The following SEMA3A variants were observed in gnomAD, a reference collection of about 807,000 sequenced individuals.
SEMA3A encodes the protein semaphorin 3A.
In SEMA3A, 29 loss-of-function variants were observed where a neutral mutation model predicts 97.9. The observed-to-expected ratio is 0.30, with a 90% CI of 0.22 to 0.40. The LOEUF is 0.40. SEMA3A is among the 10% of genes least tolerant of loss of function. The pLI is 1.00. For missense variants in SEMA3A, 763 were observed against 951.3 expected, an observed-to-expected ratio of 0.80 and a Z score of 2.60; for synonymous variants, 321 against 323.7, an observed-to-expected ratio of 0.99 and a Z score of 0.09.
chr7:84,386,757 T>C (rs1317089300), intron 1 of SEMA3A, among the ~76,000 whole-genome samples: 1 of 152,168 alleles, frequency 6.6e-6, no homozygotes, highest in African/African-American at 2.4e-5. Context: ...CCCAGCACTT[T>C]GGGAGGCTGA....
At chr7:84,005,747 A>G (rs1445226823) in intron 10 of SEMA3A, among the ~76,000 whole-genome samples, 189 bp from the exon 11 acceptor site, 1 of 152,088 alleles carries the variant, frequency 6.6e-6, no homozygotes, top group Non-Finnish European at 1.5e-5. Flanking sequence ...CAGGAGTTGC[A>G]GACCAGCCTG....
At chr7:84,211,583 T>C (rs1562854588) in intron 3 of SEMA3A, among the ~76,000 whole-genome samples, 1 of 151,820 alleles carries the variant, frequency 6.6e-6, no homozygotes, top group Non-Finnish European at 1.5e-5. Flanking sequence ...GACTGCACCA[T>C]TGCACTGCAA....
intron 14 of SEMA3A, among the ~76,000 whole-genome samples, chr7:83,978,087 C>T (rs370060684): frequency 1.3e-5 from 2 of 152,130 alleles, no homozygotes; most frequent in African/African-American, 4.8e-5. Context: ...ACAGCGTGAG[C>T]CACTGCGCCT....
chr7:84,354,448 C>A (rs944227187), intron 2 of SEMA3A, among the ~76,000 whole-genome samples: 1 of 151,402 alleles, frequency 6.6e-6, no homozygotes, highest in Admixed American at 6.6e-5. Flanking sequence ...TTTTACTTCC[C>A]CTTCCATTTC....
At chr7:84,203,302 C>G (rs925268842) in intron 3 of SEMA3A, among the ~76,000 whole-genome samples, 6 of 151,238 alleles carry the variant, frequency 4.0e-5, no homozygotes, top group African/African-American at 1.5e-4. Flanking sequence ...TCAGTGGACT[C>G]TAAATTCAAA....
chr7:84,121,891 G>A (rs1338746107), intron 3 of SEMA3A, among the ~76,000 whole-genome samples: 1 of 48,264 alleles, frequency 2.1e-5, no homozygotes, highest in Non-Finnish European at 4.1e-5. Flanking sequence ...CGCCCGCCTC[G>A]GCCTCCCAAA....
rs1228917792 is a variant in SEMA3A at position 83,958,490 on chromosome 7, T to C, written c.*2881A>G. 1.3e-5 allele frequency: 2 copies of C among 152,478 alleles called. No homozygotes were observed. Among genetic ancestry groups the C allele is most frequent in the African/African-American group, 2.4e-5 (1 of 41,432 alleles). 9.4% of individuals were successfully genotyped at this position (152,478 alleles called of 1,614,324 possible). Reference sequence around the variant, plus strand: ...AAAGATATGGAACATATTTCCTACCTGGCAAAAAACATGCTTATTGAACGG... The same window carrying C: ...AAAGATATGGAACATATTTCCTACCCGGCAAAAAACATGCTTATTGAACGG... On this transcript the variant is annotated 3_prime_UTR_variant, in exon 17 of 17. Coordinates refer to ENST00000265362, the MANE Select transcript of SEMA3A (RefSeq NM_006080.3).
intron 3 of SEMA3A, among the ~76,000 whole-genome samples, chr7:84,123,053 G>A (rs1021659531): frequency 6.6e-6 from 1 of 152,078 alleles, no homozygotes; most frequent in African/African-American, 2.4e-5. Context: ...CAGTCATACG[G>A]TTGCCATTTG....
Position 84,401,715 on chromosome 7 carries a change from G to A in SEMA3A, c.-245-29815C>T, listed in dbSNP as rs962203549. Among the ~76,000 whole-genome samples the A allele has an allele frequency of 1.6e-4, 25 of 152,092 alleles. 1 individual carries two copies. Among genetic ancestry groups the A allele is most frequent in the Admixed American group, 1.2e-3 (18 of 15,258 alleles). On this transcript the variant is annotated intron_variant, in intron 1 of 3. Coordinates refer to the SEMA3A transcript ENST00000424555. Reference sequence around the variant, plus strand: ...CAAGAAATAACTACACACATTTAAAGCCAAATGATTTTTCAGAAATGCACC... The same window carrying A: ...CAAGAAATAACTACACACATTTAAAACCAAATGATTTTTCAGAAATGCACC...
intron 1 of SEMA3A, among the ~76,000 whole-genome samples, chr7:84,385,945 A>G (rs1803384835): frequency 6.6e-6 from 1 of 152,332 alleles, no homozygotes; most frequent in Non-Finnish European, 1.5e-5. Context: ...TGCCAAATAC[A>G]GTTAATAGCA....
At chr7:84,048,588 G>A (rs1159441313) in intron 5 of SEMA3A, among the ~76,000 whole-genome samples, 3 of 151,860 alleles carry the variant, frequency 2.0e-5, no homozygotes, top group Non-Finnish European at 4.4e-5. Context: ...ACACCTGTGA[G>A]AAGATACCTT....
At chr7:84,196,688 T>C (rs1370721651), upstream of SEMA3A, among the ~76,000 whole-genome samples, 1 of 152,160 alleles carries the variant, frequency 6.6e-6, no homozygotes, top group Non-Finnish European at 1.5e-5. Context: ...AAGAGGCTTG[T>C]CTGTCTTCCA....
At chr7:84,367,292 C>T (rs969691652) in intron 2 of SEMA3A, among the ~76,000 whole-genome samples, 2 of 151,290 alleles carry the variant, frequency 1.3e-5, no homozygotes, top group African/African-American at 2.4e-5. Flanking sequence ...CAAACAAATG[C>T]TACTTGATTT....
intron 1 of SEMA3A, among the ~76,000 whole-genome samples, chr7:84,404,198 A>G (rs1211770259): frequency 6.6e-6 from 1 of 152,202 alleles, no homozygotes; most frequent in East Asian, 1.9e-4. Flanking sequence ...GAAGTCCTTC[A>G]AGGACCTGAT....
At chr7:84,157,155 G>C (rs919924387) in intron 1 of SEMA3A, among the ~76,000 whole-genome samples, 1 of 152,140 alleles carries the variant, frequency 6.6e-6, no homozygotes, top group African/African-American at 2.4e-5. Flanking sequence ...AAGAAATACT[G>C]ATTATTAACA....
intron 1 of SEMA3A, among the ~76,000 whole-genome samples, chr7:84,156,174 G>A (rs368378676): frequency 1.4e-4 from 21 of 151,744 alleles, no homozygotes; most frequent in African/African-American, 4.4e-4. Context: ...TGGTGTTTAC[G>A]TGACACATCA....
At chr7:84,031,667 C>T (rs1791762308) in intron 6 of SEMA3A, among the ~76,000 whole-genome samples, 2 of 151,860 alleles carry the variant, frequency 1.3e-5, no homozygotes, top group Non-Finnish European at 2.9e-5. Context: ...AACCCCGTCT[C>T]TACTAAAAAT....
At chr7:84,346,624 C>A (rs1584254486) in intron 2 of SEMA3A, among the ~76,000 whole-genome samples, 1 of 151,976 alleles carries the variant, frequency 6.6e-6, no homozygotes, top group South Asian at 2.1e-4. Flanking sequence ...CAGAACACAC[C>A]AACATTTATC....
intron 1 of SEMA3A, among the ~76,000 whole-genome samples, chr7:84,151,660 C>T (rs1355341299): frequency 6.6e-6 from 1 of 152,132 alleles, no homozygotes; most frequent in Admixed American, 6.5e-5. Context: ...AGTTGGAAAA[C>T]ACTCTGCAGG....
Sources: gnomAD v4.1 joint callset for allele counts (sites outside exome capture counted in the v4.1 genomes callset) on GRCh38, gnomAD v4.1.1 for gene constraint, MANE v1.5 for transcripts, NCBI Gene and HGNC (gene_info 2026-07-23, HGNC 2026-07-21) for gene names.